PNLIPRP3: variants seen among roughly 807,000 people sequenced by gnomAD.
The protein encoded by PNLIPRP3 is pancreatic lipase-related protein 3.
Under a neutral mutation model 52.8 loss-of-function variants are expected in PNLIPRP3, and 58 were observed. The ratio of observed to expected loss-of-function variants is 1.10; its 90% CI spans 0.89 to 1.37. The LOEUF (loss-of-function observed/expected upper bound fraction) is 1.37. Ranked by LOEUF, PNLIPRP3 falls within the 40% of genes most tolerant of loss-of-function variation. The pLI, the probability that PNLIPRP3 is intolerant of heterozygous loss-of-function variation, is 0.00. For missense variants in PNLIPRP3, 593 were observed against 561.6 expected, an observed-to-expected ratio of 1.06 and a Z score of -0.57; for synonymous variants, 192 against 185.0, an observed-to-expected ratio of 1.04 and a Z score of -0.31.
rs1455853341 is a variant in PNLIPRP3, at chr10:116,477,227, G to C, written c.*74G>C. The C allele has an allele frequency of 4.2e-6, 5 of 1,180,154 alleles. No homozygotes were observed. The highest frequency in any genetic ancestry group is 4.8e-5 in the East Asian group (2 of 42,058). The allele number at this position is 1,180,154 out of a possible 1,614,324, so 73.1% of individuals were successfully genotyped here. A position where few individuals can be genotyped will look rare whatever the true frequency, so the allele number is the denominator to read the frequency against. On this transcript the variant is annotated 3_prime_UTR_variant, in exon 12 of 12. Transcript: ENST00000369230. Reference sequence around the variant, plus strand: ...AGTGTCTCCTTCCACCTGGCATCCAGACCAAATTTGACCCTTGTAAATGAC... The same window carrying C: ...AGTGTCTCCTTCCACCTGGCATCCACACCAAATTTGACCCTTGTAAATGAC...
At chr10:116,467,612 A>G (rs2133152500) in intron 8 of PNLIPRP3, among the ~76,000 whole-genome samples, 2 of 152,254 alleles carry the variant, frequency 1.3e-5, no homozygotes, top group South Asian at 2.1e-4. Flanking sequence ...ATTCCCTTCA[A>G]TCCTTCCCCT....
At chr10:116,470,345 G>T (rs1362637314) in intron 9 of PNLIPRP3, among the ~76,000 whole-genome samples, 2 of 152,000 alleles carry the variant, frequency 1.3e-5, no homozygotes, top group African/African-American at 4.8e-5. Context: ...CAAGAAGAAT[G>T]TGCCAGATAA....
At chr10:116,476,971 C>A in intron 11 of PNLIPRP3, 119 bp from the exon 12 acceptor site, 1 of 1,161,832 alleles carries the variant, frequency 8.6e-7, no homozygotes, top group African/African-American at 1.6e-5. Flanking sequence ...GAAACCAATG[C>A]TATATGTGCA....
chr10:116,459,660 T>C (rs145177713), intron 5 of PNLIPRP3, among the ~76,000 whole-genome samples: 1 of 152,310 alleles, frequency 6.6e-6, no homozygotes, highest in East Asian at 1.9e-4. Context: ...CCAAACACGA[T>C]GCTTTCATCT....
At chr10:116,442,610 T>C (rs1043463173) in intron 2 of PNLIPRP3, among the ~76,000 whole-genome samples, 1 of 152,134 alleles carries the variant, frequency 6.6e-6, no homozygotes, top group Non-Finnish European at 1.5e-5. Context: ...GTGCCTATAA[T>C]CCCAGCAACT....
chr10:116,428,026 G>C lies in PNLIPRP3; in HGVS notation c.14G>C (p.Trp5Ser), dbSNP rs775556545. 4.5e-5 allele frequency: 72 copies of C among 1,608,832 alleles called. 1 individual carries two copies. In the South Asian group the frequency reaches 7.0e-4, roughly 16 times the overall value. MLGI[W>S]IVAFLFFGTS... ...AAATCAGCTTAGATGCTTGGAATTT[G>C]GATTGTTGCATTCTTGTTCTTTGGC... Residue 5 changes from tryptophan (W) to serine (S), a missense_variant, in exon 1 of 12, where the codon TGG becomes TCG. Transcript: ENST00000369230.
intron 8 of PNLIPRP3, 35 bp from the exon 9 acceptor site, chr10:116,469,150 T>C (rs1291467995): frequency 6.3e-7 from 1 of 1,584,410 alleles, no homozygotes; most frequent in Non-Finnish European, 8.6e-7. Context: ...CATTTCTAAT[T>C]ACATAAGTAA....
intron 1 of PNLIPRP3, 131 bp from the exon 2 acceptor site, chr10:116,436,580 A>C: frequency 1.0e-6 from 1 of 963,430 alleles, no homozygotes; most frequent in Non-Finnish European, 1.5e-6. Context: ...AATAGGAGAA[A>C]ATATTTTCAA....
At chr10:116,436,089 G>A (rs1424965787) in intron 1 of PNLIPRP3, among the ~76,000 whole-genome samples, 1 of 152,138 alleles carries the variant, frequency 6.6e-6, no homozygotes, top group Admixed American at 6.5e-5. Flanking sequence ...AATATGCAAT[G>A]AGGAAATGAT....
rs1846498461 is a variant in PNLIPRP3, at chr10:116,477,721, C to T, written c.*568C>T. 1 of 152,054 alleles carries T rather than the reference C, an allele frequency of 6.6e-6. No individual in the cohort carries two copies. Among genetic ancestry groups the T allele is most frequent in the Non-Finnish European group, 1.5e-5 (1 of 68,084 alleles). 9.4% of individuals were successfully genotyped at this position (152,054 alleles called of 1,614,324 possible). ...TGTTCCTTGGTGTTCAGGGTGTGCA[C>T]AAGAGAGATTTTGGAGCTTATCTGT... is the stretch of plus-strand genomic sequence containing the variant. On this transcript the variant is annotated 3_prime_UTR_variant, in exon 12 of 12. Transcript: ENST00000369230.
At position 116,446,906 on chromosome 10, in the gene PNLIPRP3, A is replaced by G. The variant is rs142728376; in HGVS notation, c.456+2393A>G. On this transcript the variant is annotated intron_variant, in intron 4 of 11. Coordinates refer to ENST00000369230, the MANE Select transcript of PNLIPRP3 (RefSeq NM_001011709.3). Reference sequence around the variant, plus strand: ...CAGAAAAAGTGGGACGTCATATCCAATGTTTCAGCTTTTCTGGGGGCTGCT... The same window carrying G: ...CAGAAAAAGTGGGACGTCATATCCAGTGTTTCAGCTTTTCTGGGGGCTGCT... 1.6e-3 allele frequency among the ~76,000 whole-genome samples: 236 copies of G among 152,176 alleles called. 1 individual carries two copies. Among genetic ancestry groups the G allele is most frequent in the African/African-American group, 5.5e-3 (230 of 41,530 alleles).
chr10:116,440,484 T>C (rs1165018293), intron 2 of PNLIPRP3, among the ~76,000 whole-genome samples: 1 of 152,168 alleles, frequency 6.6e-6, no homozygotes, highest in East Asian at 1.9e-4. Flanking sequence ...TGTTAAAGTG[T>C]TTTTCTAACA....
chr10:116,427,862 C>A lies in PNLIPRP3; in HGVS notation c.-151C>A. 3.1e-6 allele frequency: 2 copies of A among 653,452 alleles called. No individual in the cohort carries two copies. Among genetic ancestry groups the A allele is most frequent in the African/African-American group, 1.9e-5 (1 of 53,668 alleles). The allele number at this position is 653,452 out of a possible 1,614,324, so 40.5% of individuals were successfully genotyped here. ...CGATAATTTTATTTACTTTGCAGAG[C>A]ATAAGGTGGAATAACATGTTCTTTT... is the stretch of plus-strand genomic sequence containing the variant. On this transcript the variant is annotated 5_prime_UTR_variant, in exon 1 of 12. Coordinates refer to ENST00000369230, the MANE Select transcript of PNLIPRP3 (RefSeq NM_001011709.3).
chr10:116,440,013 GC>G, intron 2 of PNLIPRP3: 1 of 769,048 alleles, frequency 1.3e-6, no homozygotes, highest in Non-Finnish European at 2.4e-6. Context: ...CAGACATCTT[GC>G]CGTTTGGTTT....
chr10:116,447,146 A>G (rs1010736624), intron 4 of PNLIPRP3, among the ~76,000 whole-genome samples: 1 of 152,192 alleles, frequency 6.6e-6, no homozygotes, highest in Non-Finnish European at 1.5e-5. Context: ...TTAAACTGCA[A>G]ATCAAAAGTT....
rs745856547 is a variant in PNLIPRP3 at position 116,427,906 on chromosome 10, T to C, written c.-107T>C. The C allele has an allele frequency of 2.3e-4, 186 of 809,976 alleles. 1 individual carries two copies. Among genetic ancestry groups the C allele is most frequent in the Non-Finnish European group, 3.0e-4 (141 of 468,058 alleles). 50.2% of individuals were successfully genotyped at this position (809,976 alleles called of 1,614,324 possible). ...TTCTTTTAAACGTAGAGTTTAAACA[T>C]TGAGTTGCATCATTGTGAGGAAAAC... On this transcript the variant is annotated 5_prime_UTR_variant, in exon 1 of 12. Transcript: ENST00000369230.
rs1197028744 is a variant in PNLIPRP3, at chr10:116,455,816, T to C, written c.551T>C (p.Leu184Pro). 5 of 1,613,572 alleles carry C rather than the reference T, an allele frequency of 3.1e-6. No homozygotes were observed. The highest frequency in any genetic ancestry group is 4.2e-6 in the Non-Finnish European group (5 of 1,179,548). Reference sequence around the variant, plus strand: ...GAAGCTGGGTCAAGGATACCAGGCCTTGGAAGAATAACTGGTAAGCATGCC... The same window carrying C: ...GAAGCTGGGTCAAGGATACCAGGCCCTGGAAGAATAACTGGTAAGCATGCC... ...AGEAGSRIPG[L>P]GRITGLDPAG... Residue 184 changes from leucine (L) to proline (P), a missense_variant, in exon 5 of 12, where the codon CTT becomes CCT. By Grantham distance (98) the Leu-to-Pro change is moderately conservative. Transcript: ENST00000369230.
At chr10:116,459,648 T>TC (rs1165897708) in intron 5 of PNLIPRP3, among the ~76,000 whole-genome samples, 1 of 152,176 alleles carries the variant, frequency 6.6e-6, no homozygotes, top group Non-Finnish European at 1.5e-5. Flanking sequence ...AGTTACAGTT[T>TC]CCCAAACACG....
At chr10:116,428,583 G>C (rs746353243) in intron 1 of PNLIPRP3, among the ~76,000 whole-genome samples, 28 of 152,086 alleles carry the variant, frequency 1.8e-4, no homozygotes, top group Non-Finnish European at 3.2e-4. Flanking sequence ...ACAGTTTTCT[G>C]GAGGGCTGTT....
Sources: gnomAD v4.1 joint callset for allele counts (sites outside exome capture counted in the v4.1 genomes callset) on GRCh38, gnomAD v4.1.1 for gene constraint, MANE v1.5 for transcripts, NCBI Gene and HGNC (gene_info 2026-07-23, HGNC 2026-07-21) for gene names.